Variants in TACR1 observed in about 807,000 individuals in gnomAD.
The protein encoded by TACR1 is tachykinin receptor 1.
Under a neutral mutation model 35.8 loss-of-function variants are expected in TACR1, and 25 were observed. That is an observed-to-expected ratio of 0.70 (90% CI 0.51 to 0.98). TACR1 has a LOEUF of 0.98. Among genes scored for constraint, TACR1 ranks in the 50% least tolerant of loss-of-function variants. The pLI is 0.00. For synonymous variants in TACR1, 195 were observed against 206.7 expected (o/e 0.94, Z 0.48); for missense variants, 478 against 522.9 (o/e 0.91, Z 0.84).
chr2:75,161,262 T>C (rs1675003094), intron 1 of TACR1, among the ~76,000 whole-genome samples: 1 of 152,134 alleles, frequency 6.6e-6, no homozygotes, highest in Non-Finnish European at 1.5e-5. Flanking sequence ...TGGCAAATCT[T>C]GCAAACATTT....
intron 1 of TACR1, among the ~76,000 whole-genome samples, chr2:75,169,277 T>C (rs897340639): frequency 2.6e-5 from 4 of 152,194 alleles, no homozygotes; most frequent in Admixed American, 6.5e-5. Flanking sequence ...CTCCTTTGAG[T>C]CCTCAATTTT....
chr2:75,145,624 G>A (rs931123832), intron 1 of TACR1, among the ~76,000 whole-genome samples: 2 of 152,266 alleles, frequency 1.3e-5, no homozygotes, highest in East Asian at 3.9e-4. Flanking sequence ...GGTCATGAGA[G>A]TATATAATAT....
At chr2:75,148,819 T>G (rs950590527) in intron 1 of TACR1, among the ~76,000 whole-genome samples, 9 of 152,242 alleles carry the variant, frequency 5.9e-5, no homozygotes, top group Non-Finnish European at 1.0e-4. Flanking sequence ...TGAATGATAC[T>G]GCCTAGGTTT....
chr2:75,183,003 A>G (rs1407976380), intron 1 of TACR1, among the ~76,000 whole-genome samples: 1 of 152,228 alleles, frequency 6.6e-6, no homozygotes, highest in Non-Finnish European at 1.5e-5. Context: ...TAAGCTCCTG[A>G]AGGGCAGAAA....
At chr2:75,141,462 A>G (rs1298409901) in intron 1 of TACR1, among the ~76,000 whole-genome samples, 1 of 152,186 alleles carries the variant, frequency 6.6e-6, no homozygotes. Context: ...GGAAGCCTTG[A>G]AGCTTAGGAG....
chr2:75,086,488 TACTG>T (rs959521622), intron 2 of TACR1, among the ~76,000 whole-genome samples: 10 of 152,158 alleles, frequency 6.6e-5, no homozygotes, highest in Admixed American at 3.3e-4. Context: ...AATAAATATT[TACTG>T]ACTGACTGAC....
intron 2 of TACR1, among the ~76,000 whole-genome samples, chr2:75,112,205 T>G (rs982014172): frequency 2.0e-5 from 3 of 152,078 alleles, no homozygotes; most frequent in Non-Finnish European, 2.9e-5. Context: ...ATTTCTAGTC[T>G]GCTTTTATTA....
intron 1 of TACR1, among the ~76,000 whole-genome samples, chr2:75,183,737 G>T (rs1675616518): frequency 6.6e-6 from 1 of 152,144 alleles, no homozygotes; most frequent in Admixed American, 6.5e-5. Context: ...TCATTTTCTG[G>T]TAGAGCCCTT....
chr2:75,081,616 G>T (rs948141469), intron 2 of TACR1, among the ~76,000 whole-genome samples: 7 of 152,266 alleles, frequency 4.6e-5, no homozygotes, highest in Non-Finnish European at 1.0e-4. Flanking sequence ...GGGTGGAAAA[G>T]AAAGTGGGCC....
intron 1 of TACR1, among the ~76,000 whole-genome samples, chr2:75,157,943 G>C (rs1175596016): frequency 6.6e-6 from 1 of 152,222 alleles, no homozygotes; most frequent in Non-Finnish European, 1.5e-5. Flanking sequence ...AAGAGCTTTA[G>C]TTTAGAGCCT....
intron 1 of TACR1, among the ~76,000 whole-genome samples, chr2:75,166,713 A>G (rs1478540475): frequency 6.6e-6 from 1 of 152,260 alleles, no homozygotes; most frequent in Middle Eastern, 3.2e-3. Context: ...CTGGGGTTGC[A>G]AAATGTAAAA....
At chr2:75,125,184 C>CT (rs1558561451) in intron 1 of TACR1, among the ~76,000 whole-genome samples, 1 of 151,272 alleles carries the variant, frequency 6.6e-6, no homozygotes. Flanking sequence ...TTTTTCTATT[C>CT]TTTCTTTTTT....
rs1216486521 is a variant in TACR1, at chr2:75,048,552, A to G, written c.*880T>C. On this transcript the variant is annotated 3_prime_UTR_variant, in exon 5 of 5. Coordinates refer to ENST00000305249, the MANE Select transcript of TACR1 (RefSeq NM_001058.4). ...ATTAGTTACAAGACTCACTGCTCCT[A>G]TTCTTTTCTATTCTTTTATTCTTCG... 2 of 152,182 alleles carry G rather than the reference A, an allele frequency of 1.3e-5. No individual in the cohort carries two copies. The highest frequency in any genetic ancestry group is 2.4e-5 in the African/African-American group (1 of 41,442). 9.4% of individuals were successfully genotyped at this position (152,182 alleles called of 1,614,324 possible).
At chr2:75,175,787 C>T (rs889459067) in intron 1 of TACR1, among the ~76,000 whole-genome samples, 2 of 152,114 alleles carry the variant, frequency 1.3e-5, no homozygotes, top group East Asian at 1.9e-4. Flanking sequence ...GTGACATAGT[C>T]ACACATTCTA....
At chr2:75,143,333 A>G (rs940382229) in intron 1 of TACR1, among the ~76,000 whole-genome samples, 1 of 152,248 alleles carries the variant, frequency 6.6e-6, no homozygotes, top group Non-Finnish European at 1.5e-5. Flanking sequence ...ATTACTTTAG[A>G]ACTTCTGGAA....
At chr2:75,123,001 G>C (rs1673999160) in intron 1 of TACR1, among the ~76,000 whole-genome samples, 1 of 152,116 alleles carries the variant, frequency 6.6e-6, no homozygotes, top group Non-Finnish European at 1.5e-5. Context: ...CGGTGGGTGG[G>C]GGAAACTCAG....
At chr2:75,133,744 C>G (rs1201844905) in intron 1 of TACR1, among the ~76,000 whole-genome samples, 1 of 152,120 alleles carries the variant, frequency 6.6e-6, no homozygotes, top group African/African-American at 2.4e-5. Context: ...GACATCTGAA[C>G]CAGAGTAACT....
intron 1 of TACR1, among the ~76,000 whole-genome samples, chr2:75,152,244 A>G (rs1431137891): frequency 6.6e-6 from 1 of 152,156 alleles, no homozygotes; most frequent in Admixed American, 6.5e-5. Context: ...CAGGGGCTGA[A>G]TGATATGGTT....
intron 1 of TACR1, among the ~76,000 whole-genome samples, chr2:75,186,440 G>A (rs1233632636): frequency 6.6e-6 from 1 of 151,134 alleles, no homozygotes; most frequent in Non-Finnish European, 1.5e-5. Flanking sequence ...GACAATAGTG[G>A]TGCTTAGGCA....
Sources: gnomAD v4.1 joint callset for allele counts (sites outside exome capture counted in the v4.1 genomes callset) on GRCh38, gnomAD v4.1.1 for gene constraint, MANE v1.5 for transcripts, NCBI Gene and HGNC (gene_info 2026-07-23, HGNC 2026-07-21) for gene names.